Variants in STIM1 observed in about 807,000 individuals in gnomAD.
STIM1 encodes stromal interaction molecule 1.
In STIM1, 25 loss-of-function variants were observed where a neutral mutation model predicts 74.7. The observed-to-expected ratio is 0.33, with a 90% confidence interval of 0.24 to 0.47. The LOEUF (loss-of-function observed/expected upper bound fraction) is 0.47, where lower values mean the gene tolerates loss of function less well. Ranked by LOEUF, STIM1 falls within the 20% of genes least tolerant of loss-of-function variation. STIM1 has a pLI of 1.00. For missense variants in STIM1, 728 were observed against 920.8 expected, an observed-to-expected ratio of 0.79 and a Z score of 2.71; for synonymous variants, 328 against 348.8, an observed-to-expected ratio of 0.94 and a Z score of 0.66.
At chr11:4,037,060 TC>T (rs1396435111) in intron 3 of STIM1, among the ~76,000 whole-genome samples, 2 of 151,808 alleles carry the variant, frequency 1.3e-5, no homozygotes, top group Non-Finnish European at 2.9e-5. Context: ...TTTCTTTCTT[TC>T]TTTTTTTTTT....
intron 5 of STIM1, among the ~76,000 whole-genome samples, chr11:4,064,563 A>G (rs771695351): frequency 6.6e-6 from 1 of 152,182 alleles, no homozygotes; most frequent in Non-Finnish European, 1.5e-5. Flanking sequence ...TATAATAAAA[A>G]TTCTGTTATT....
At chr11:4,087,561 G>C (rs558664505) in intron 12 of STIM1, among the ~76,000 whole-genome samples, 1 of 152,246 alleles carries the variant, frequency 6.6e-6, no homozygotes, top group East Asian at 1.9e-4. Context: ...GGCTCCGAAA[G>C]GGAAGGGTTT....
chr11:3,902,788 G>A (rs193204499), intron 1 of STIM1, among the ~76,000 whole-genome samples: 137 of 152,302 alleles, frequency 9.0e-4, no homozygotes, highest in Middle Eastern at 3.4e-3. Flanking sequence ...GACTGCTGAA[G>A]GCGTTAATTT....
chr11:3,980,286 G>T (rs2093489280), intron 2 of STIM1, among the ~76,000 whole-genome samples: 1 of 152,052 alleles, frequency 6.6e-6, no homozygotes, highest in Non-Finnish European at 1.5e-5. Context: ...GCTTACTTTT[G>T]CTTGTTTAAT....
intron 1 of STIM1, among the ~76,000 whole-genome samples, chr11:3,882,658 T>G (rs1282978961): frequency 6.6e-6 from 1 of 152,240 alleles, no homozygotes; most frequent in Non-Finnish European, 1.5e-5. Context: ...CCAGTTCTTT[T>G]GGGTACATAC....
At chr11:4,053,508 A>G (rs1288903269) in intron 3 of STIM1, among the ~76,000 whole-genome samples, 2 of 150,436 alleles carry the variant, frequency 1.3e-5, no homozygotes, top group Non-Finnish European at 2.9e-5. Flanking sequence ...GCATGTTCTC[A>G]CTCATAGGTG....
chr11:4,069,524 C>G (rs920852347), intron 5 of STIM1, among the ~76,000 whole-genome samples: 1 of 152,180 alleles, frequency 6.6e-6, no homozygotes, highest in Non-Finnish European at 1.5e-5. Flanking sequence ...CCAAGAATGG[C>G]CTGGTAGTCC....
At chr11:4,069,912 A>T (rs1190139843) in intron 5 of STIM1, 114 bp from the exon 6 acceptor site, 1 of 1,135,184 alleles carries the variant, frequency 8.8e-7, no homozygotes, top group African/African-American at 1.5e-5. Context: ...ATTCCTTCTC[A>T]GTGGGAGAGT....
At chr11:3,866,044 G>T (rs1396925923) in intron 1 of STIM1, among the ~76,000 whole-genome samples, 3 of 152,130 alleles carry the variant, frequency 2.0e-5, no homozygotes, top group Non-Finnish European at 4.4e-5. Flanking sequence ...GAAGGTGCAG[G>T]TTCTAAAATT....
chr11:3,975,116 G>A (rs987261183), intron 2 of STIM1, among the ~76,000 whole-genome samples: 16 of 152,220 alleles, frequency 1.1e-4, no homozygotes, highest in African/African-American at 3.9e-4. Context: ...TGATCTGTAT[G>A]TCACAGGTGA....
chr11:4,055,684 G>T, intron 4 of STIM1, 47 bp downstream of exon 4: 1 of 1,432,176 alleles, frequency 7.0e-7, no homozygotes. Flanking sequence ...CGGGGAATGG[G>T]CTGGAGTGGG....
At chr11:3,956,657 A>G (rs2093217040) in intron 1 of STIM1, among the ~76,000 whole-genome samples, 2 of 151,962 alleles carry the variant, frequency 1.3e-5, no homozygotes, top group African/African-American at 2.4e-5. Flanking sequence ...AAATTCTGAC[A>G]TTTAGAATTT....
intron 1 of STIM1, among the ~76,000 whole-genome samples, chr11:3,945,030 C>T (rs2093055413): frequency 6.6e-6 from 1 of 152,132 alleles, no homozygotes; most frequent in Admixed American, 6.6e-5. Flanking sequence ...GGCTGTCTTA[C>T]CATTGTTTGT....
chr11:3,935,905 T>C (rs927080069), intron 1 of STIM1, among the ~76,000 whole-genome samples: 1 of 152,244 alleles, frequency 6.6e-6, no homozygotes, highest in Non-Finnish European at 1.5e-5. Flanking sequence ...TATTGAATGC[T>C]TACTAAGTTT....
At chr11:3,880,115 G>T (rs908283915) in intron 1 of STIM1, among the ~76,000 whole-genome samples, 1 of 152,196 alleles carries the variant, frequency 6.6e-6, no homozygotes, top group Admixed American at 6.5e-5. Flanking sequence ...ATCTGGCTTT[G>T]CTGTTGTTTG....
At chr11:3,909,418 G>C (rs2092523441) in intron 1 of STIM1, among the ~76,000 whole-genome samples, 1 of 152,124 alleles carries the variant, frequency 6.6e-6, no homozygotes, top group South Asian at 2.1e-4. Context: ...TGAGGGTCCT[G>C]GTGAAGTCCT....
At chr11:4,016,552 G>A (rs1042027995) in intron 2 of STIM1, among the ~76,000 whole-genome samples, 3 of 152,210 alleles carry the variant, frequency 2.0e-5, no homozygotes, top group East Asian at 1.9e-4. Context: ...GAGCTCAAAC[G>A]CTGTGCTGGG....
At chr11:3,937,791 C>G (rs991955731) in intron 1 of STIM1, among the ~76,000 whole-genome samples, 6 of 152,162 alleles carry the variant, frequency 3.9e-5, no homozygotes, top group Non-Finnish European at 8.8e-5. Context: ...TAGCTTCCAC[C>G]ACATTCTAGC....
At chr11:4,005,996 G>C (rs2093776348) in intron 2 of STIM1, among the ~76,000 whole-genome samples, 1 of 152,186 alleles carries the variant, frequency 6.6e-6, no homozygotes, top group South Asian at 2.1e-4. Flanking sequence ...AAACTTTTCA[G>C]ATCTGGAACA....
Sources: allele counts gnomAD v4.1 joint callset (sites outside exome capture counted in the v4.1 genomes callset), GRCh38; gene constraint gnomAD v4.1.1; transcripts MANE v1.5; gene names NCBI Gene and HGNC (gene_info 2026-07-23, HGNC 2026-07-21).